Variants in GNA12 observed in about 807,000 individuals in gnomAD.
GNA12 encodes guanine nucleotide-binding protein subunit alpha-12.
Under a neutral mutation model 26.0 loss-of-function variants are expected in GNA12, and 9 were observed. That is an observed-to-expected ratio of 0.35 (90% CI 0.21 to 0.60). GNA12 has a LOEUF of 0.60. Among genes scored for constraint, GNA12 ranks in the 20% least tolerant of loss-of-function variants. GNA12 has a pLI of 0.78. For missense variants in GNA12, 405 were observed against 525.8 expected (o/e 0.77, Z 2.25); for synonymous variants, 264 against 219.6 (o/e 1.20, Z -1.79).
intron 2 of GNA12, among the ~76,000 whole-genome samples, chr7:2,785,174 G>A (rs1792327751): frequency 6.6e-6 from 1 of 152,190 alleles, no homozygotes. Flanking sequence ...TCAGCTTCCT[G>A]CTTCTGTATC....
At chr7:2,765,490 C>T (rs181184134) in intron 2 of GNA12, among the ~76,000 whole-genome samples, 11 of 152,072 alleles carry the variant, frequency 7.2e-5, no homozygotes, top group South Asian at 2.1e-4. Context: ...AATGAATGAG[C>T]GCGCAGGGAA....
intron 1 of GNA12, among the ~76,000 whole-genome samples, chr7:2,828,285 G>T (rs1422208517): frequency 6.6e-6 from 1 of 152,158 alleles, no homozygotes; most frequent in Non-Finnish European, 1.5e-5. Flanking sequence ...ATATTCCTAA[G>T]GATTTGTACT....
At position 2,731,155 on chromosome 7, in the gene GNA12, G is replaced by A. The variant is rs372899470; in HGVS notation, c.*26C>T. 806 of 1,541,910 alleles carry A rather than the reference G, an allele frequency of 5.2e-4. 4 individuals carry two copies. The highest frequency in any genetic ancestry group is 1.3e-4 in the Non-Finnish European group (141 of 1,126,586). On this transcript the variant is annotated 3_prime_UTR_variant, in exon 4 of 4. Coordinates refer to ENST00000275364, the MANE Select transcript of GNA12 (RefSeq NM_007353.3). The surrounding 1 kb of genome is among the most constrained non-coding windows in gnomAD (Gnocchi z 6.0). ...CCGACAGCCGTGGGGGCTGCTCAAC[G>A]ACGACAAACCCCGGGGCTTCCTCGC... is the stretch of plus-strand genomic sequence containing the variant.
At chr7:2,838,213 G>A (rs1482256365) in intron 1 of GNA12, among the ~76,000 whole-genome samples, 2 of 151,176 alleles carry the variant, frequency 1.3e-5, no homozygotes, top group African/African-American at 2.4e-5. Flanking sequence ...AGGAGACTGG[G>A]ATAAGTTACA....
chr7:2,768,464 C>G (rs17193852), intron 2 of GNA12, among the ~76,000 whole-genome samples: 1 of 152,000 alleles, frequency 6.6e-6, no homozygotes, highest in Non-Finnish European at 1.5e-5. Flanking sequence ...TAACTGCATT[C>G]GAGGACTGCG....
intron 1 of GNA12, among the ~76,000 whole-genome samples, chr7:2,816,629 GTA>G (rs1793225503): frequency 6.6e-6 from 1 of 152,084 alleles, no homozygotes; most frequent in African/African-American, 2.4e-5. Context: ...CTCAAAACAT[GTA>G]CAGAACACAA....
At chr7:2,806,457 CAAAAAAAAAAAA>C (rs34036056) in intron 1 of GNA12, among the ~76,000 whole-genome samples, 4 of 80,708 alleles carry the variant, frequency 5.0e-5, no homozygotes, top group Non-Finnish European at 9.4e-5. Flanking sequence ...GACTCTGTCT[CAAAAAAAAAAAA>C]AAAAAAAAAG....
chr7:2,806,457 C>CAACAA (rs1792949556), intron 1 of GNA12, among the ~76,000 whole-genome samples: 1 of 80,708 alleles, frequency 1.2e-5, no homozygotes, highest in African/African-American at 5.0e-5. Flanking sequence ...GACTCTGTCT[C>CAACAA]AAAAAAAAAA....
In GNA12 at chr7:2,728,408, C is replaced by A. The variant is rs1010193227; in HGVS notation, c.*2773G>T. 10 of 152,220 alleles carry A rather than the reference C, an allele frequency of 6.6e-5. No homozygotes were observed. Among genetic ancestry groups the A allele is most frequent in the Middle Eastern group, 3.4e-3 (1 of 294 alleles). The allele number at this position is 152,220 out of a possible 1,614,324, so 9.4% of individuals were successfully genotyped here. A position where few individuals can be genotyped will look rare whatever the true frequency, so the allele number is the denominator to read the frequency against. ...TTTTATCAAAGAAGTAGGAAAATTA[C>A]AATAAGAATTCTAGAGATCTCTATA... On this transcript the variant is annotated 3_prime_UTR_variant, in exon 4 of 4. Transcript: ENST00000275364.
intron 2 of GNA12, among the ~76,000 whole-genome samples, chr7:2,783,302 C>T (rs554863878): frequency 2.0e-5 from 3 of 152,302 alleles, no homozygotes; most frequent in Middle Eastern, 3.4e-3. Flanking sequence ...CTGGATCCAT[C>T]GCACAGGGGT....
chr7:2,833,169 A>C (rs1014924530), intron 1 of GNA12, among the ~76,000 whole-genome samples: 6 of 152,228 alleles, frequency 3.9e-5, no homozygotes, highest in Non-Finnish European at 8.8e-5. Context: ...AAGTACAAAC[A>C]AACCATAATA....
rs531612394 is a variant in GNA12, at chr7:2,762,840, G to A, written c.526-29339C>T. On this transcript the variant is annotated intron_variant, in intron 2 of 3. Coordinates refer to ENST00000275364, the MANE Select transcript of GNA12 (RefSeq NM_007353.3). ...CATCCGCCACACACCCAGTCAGCGC[G>A]GCTCCGAAGCAGGAGAGGGCCAGCT... is the stretch of plus-strand genomic sequence containing the variant. 6 of 1,492,136 alleles carry A rather than the reference G, an allele frequency of 4.0e-6. No homozygotes were observed. In the East Asian group the frequency reaches 1.0e-4, roughly 26 times the overall value. 92.4% of individuals were successfully genotyped at this position (1,492,136 alleles called of 1,614,324 possible).
At chr7:2,812,691 C>A (rs1793114137) in intron 1 of GNA12, among the ~76,000 whole-genome samples, 1 of 150,514 alleles carries the variant, frequency 6.6e-6, no homozygotes, top group Non-Finnish European at 1.5e-5. Flanking sequence ...CACATCACAT[C>A]ACATCAGGGG....
At chr7:2,738,349 G>A (rs1239659429) in intron 2 of GNA12, among the ~76,000 whole-genome samples, 2 of 152,118 alleles carry the variant, frequency 1.3e-5, no homozygotes, top group Non-Finnish European at 2.9e-5. Context: ...GGCACAAGCT[G>A]TCACTGCAGG....
chr7:2,738,539 G>C lies in GNA12; in HGVS notation c.526-5038C>G, dbSNP rs543634861. 2.0e-4 allele frequency among the ~76,000 whole-genome samples: 30 copies of C among 152,204 alleles called. No individual in the cohort carries two copies. The South Asian group carries it at 6.0e-3, about 30-fold the overall frequency. Reference sequence around the variant, plus strand: ...CTTCCTTTTATGTAAGAAATGGCGGGAGACTAAAACCCATATTCTGCTTGC... The same window carrying C: ...CTTCCTTTTATGTAAGAAATGGCGGCAGACTAAAACCCATATTCTGCTTGC... On this transcript the variant is annotated intron_variant, in intron 2 of 3. Coordinates refer to ENST00000275364, the MANE Select transcript of GNA12 (RefSeq NM_007353.3).
chr7:2,842,129 A>G (rs1479358923), intron 1 of GNA12, among the ~76,000 whole-genome samples: 8 of 89,270 alleles, frequency 9.0e-5, no homozygotes, highest in East Asian at 8.4e-4. Context: ...GGAAGAAAAG[A>G]AAGGAAGGAA....
intron 2 of GNA12, among the ~76,000 whole-genome samples, chr7:2,745,495 G>A (rs950795615): frequency 3.3e-5 from 5 of 152,318 alleles, no homozygotes; most frequent in African/African-American, 9.6e-5. Flanking sequence ...CACCAGGCCT[G>A]CCCTAAAAGA....
intron 2 of GNA12, among the ~76,000 whole-genome samples, chr7:2,755,297 T>G (rs1791240815): frequency 6.6e-6 from 1 of 152,228 alleles, no homozygotes. Context: ...ACAAAAGATC[T>G]TGCTGCGATT....
At position 2,822,911 on chromosome 7, in the gene GNA12, C is replaced by T. The variant is rs189021833; in HGVS notation, c.309+20942G>A. 1.8e-3 allele frequency among the ~76,000 whole-genome samples: 277 copies of T among 152,298 alleles called. 1 individual carries two copies. The highest frequency in any genetic ancestry group is 3.5e-3 in the Non-Finnish European group (238 of 68,026). On this transcript the variant is annotated intron_variant, in intron 1 of 3. Transcript: ENST00000275364. ...CCTAAGAGAGTCTGCTCAGCCCCCT[C>T]CTAGATGTGATAAAAAGGTGCTCCC... is the stretch of plus-strand genomic sequence containing the variant.
Sources: allele counts gnomAD v4.1 joint callset (sites outside exome capture counted in the v4.1 genomes callset), GRCh38; gene constraint gnomAD v4.1.1; non-coding constraint Gnocchi (gnomAD v3.1); transcripts MANE v1.5; gene names NCBI Gene and HGNC (gene_info 2026-07-23, HGNC 2026-07-21).